Variants in PTDSS2 observed in about 807,000 individuals in gnomAD.
The protein encoded by PTDSS2 is PSS-2.
Under a neutral mutation model 64.7 loss-of-function variants are expected in PTDSS2, and 41 were observed. The observed-to-expected ratio is 0.63, with a 90% confidence interval of 0.49 to 0.82. The LOEUF is 0.82. PTDSS2 is among the 40% of genes least tolerant of loss of function. The pLI is 0.00. For synonymous variants in PTDSS2, 297 were observed against 277.8 expected (o/e 1.07, Z -0.69); for missense variants, 485 against 650.0 (o/e 0.75, Z 2.76).
chr11:460,709 C>T lies in PTDSS2; in HGVS notation c.284+421C>T, dbSNP rs958967091. The stretch of plus-strand genomic sequence containing the variant: ...GCTCTTGCACGGACAGGGGCCGACA[C>T]GGACCGCAGACCATCTGGTCAGCAG... On this transcript the variant is annotated intron_variant, in intron 2 of 11. Coordinates refer to ENST00000308020, the MANE Select transcript of PTDSS2 (RefSeq NM_030783.3). The surrounding 1 kb of genome is among the most constrained non-coding windows in gnomAD (Gnocchi z 5.8). 67 of 171,814 alleles carry T rather than the reference C, an allele frequency of 3.9e-4. No individual in the cohort carries two copies. The highest frequency in any genetic ancestry group is 1.6e-3 in the South Asian group (11 of 7,064). 10.6% of individuals were successfully genotyped at this position (171,814 alleles called of 1,614,324 possible).
chr11:485,676 A>C (rs1590683444), intron 4 of PTDSS2, among the ~76,000 whole-genome samples: 1 of 142,078 alleles, frequency 7.0e-6, no homozygotes, highest in South Asian at 2.3e-4. Flanking sequence ...GAGTTTAAAC[A>C]GCGCACGGGC....
intron 1 of PTDSS2, among the ~76,000 whole-genome samples, chr11:451,885 G>A (rs1846346713): frequency 1.3e-5 from 2 of 152,222 alleles, no homozygotes; most frequent in South Asian, 4.1e-4. Context: ...TCTCCTTTGG[G>A]GAGATGAGTG....
In PTDSS2 at chr11:473,933, G is replaced by C. The variant is rs1847599670; in HGVS notation, c.323G>C (p.Gly108Ala). 1 of 1,614,102 alleles carries C rather than the reference G, an allele frequency of 6.2e-7. No individual in the cohort carries two copies. Among genetic ancestry groups the C allele is most frequent in the Non-Finnish European group, 8.5e-7 (1 of 1,179,962 alleles). The change falls in exon 3 of 12, where the codon GGA becomes GCA. Residue 108 changes from glycine to alanine, a missense_variant. By Grantham distance (60) the Gly-to-Ala change is moderately conservative. Around this residue, in one of 3 missense-constraint regions of PTDSS2, gnomAD observed 251 missense variants for 348.0 expected, o/e 0.72. Transcript: ENST00000308020. ...VASILVFLCF[G>A]VTQAKDGPFS... is the part of the protein sequence containing the mutation. The stretch of plus-strand genomic sequence containing the variant: ...AGTATTTTGGTTTTCTTATGTTTTG[G>C]AGTCACACAAGCTAAAGACGGGCCA...
intron 3 of PTDSS2, among the ~76,000 whole-genome samples, chr11:475,518 C>T (rs1453485005): frequency 4.0e-5 from 6 of 151,614 alleles, no homozygotes; most frequent in South Asian, 2.1e-4. Context: ...GCCATATTCA[C>T]GTGTTTGTGT....
Position 489,933 on chromosome 11 carries a change from C to T in PTDSS2, c.1166C>T (p.Thr389Met), listed in dbSNP as rs1363514193. Residue 389 changes from threonine (T) to methionine (M), a missense_variant, in exon 11 of 12, where the codon ACG becomes ATG. Coordinates refer to ENST00000308020, the MANE Select transcript of PTDSS2 (RefSeq NM_030783.3). ...CAGGCCTGGCTGGTGGCGGCCATCA[C>T]GGCCACGGAGCTGCTCATCGTGGTG... Reference protein sequence around the residue: ...GPQAWLVAAITATELLIVVKY... With the variant: ...GPQAWLVAAIMATELLIVVKY... The T allele has an allele frequency of 1.1e-5, 18 of 1,606,402 alleles. No individual in the cohort carries two copies. Among genetic ancestry groups the T allele is most frequent in the East Asian group, 2.2e-5 (1 of 44,692 alleles).
In PTDSS2 at chr11:451,579, G is replaced by A. The variant is rs1846330625; in HGVS notation, c.182+942G>A. 8.4e-5 allele frequency: 20 copies of A among 238,054 alleles called. 1 individual carries two copies. Among genetic ancestry groups the A allele is most frequent in the South Asian group, 7.2e-4 (20 of 27,858 alleles). 14.7% of individuals were successfully genotyped at this position (238,054 alleles called of 1,614,324 possible). On this transcript the variant is annotated intron_variant, in intron 1 of 11. Transcript: ENST00000308020. ...CCCCAGGAAAACGTGTGGGAGACAG[G>A]CGCCTGCGGCCAGCAGTGGAAGGAA... is the stretch of plus-strand genomic sequence containing the variant.
chr11:466,267 C>T (rs1025562422), intron 2 of PTDSS2, among the ~76,000 whole-genome samples: 5 of 152,046 alleles, frequency 3.3e-5, no homozygotes, highest in African/African-American at 1.2e-4. Flanking sequence ...AGAGGTTCAT[C>T]GACTCACAGT....
intron 4 of PTDSS2, among the ~76,000 whole-genome samples, chr11:481,925 C>A (rs558195725): frequency 1.3e-5 from 2 of 151,666 alleles, no homozygotes; most frequent in East Asian, 3.9e-4. Context: ...TCACCGCAAC[C>A]TCCGCCTCCC....
At chr11:484,910 C>T (rs1421904671) in intron 4 of PTDSS2, among the ~76,000 whole-genome samples, 4 of 142,820 alleles carry the variant, frequency 2.8e-5, no homozygotes, top group African/African-American at 1.1e-4. Flanking sequence ...TGTGTGTGCT[C>T]ACTGCGCAGG....
chr11:471,617 C>T (rs372588414), intron 2 of PTDSS2, among the ~76,000 whole-genome samples: 4 of 137,104 alleles, frequency 2.9e-5, no homozygotes, highest in South Asian at 4.8e-4. Context: ...GGATGACACG[C>T]GCCTGTCAGG....
upstream of PTDSS2, among the ~76,000 whole-genome samples, chr11:448,960 G>C (rs565187376): frequency 2.0e-5 from 3 of 152,078 alleles, no homozygotes; most frequent in South Asian, 2.1e-4. Flanking sequence ...CCAGCCCCCG[G>C]TGAAAACTCA....
chr11:462,435 G>A lies in PTDSS2; in HGVS notation c.284+2147G>A, dbSNP rs974915012. ...CCTGGGCACTCTTCTCTGAGGTTCT[G>A]TTCTGGGGACACTAAACGCGCTCCC... is the stretch of plus-strand genomic sequence containing the variant. On this transcript the variant is annotated intron_variant, in intron 2 of 11. Coordinates refer to ENST00000308020, the MANE Select transcript of PTDSS2 (RefSeq NM_030783.3). This position sits in a 1 kb window ranked among gnomAD's most constrained non-coding sequence, Gnocchi z 4.5. Among the ~76,000 whole-genome samples the A allele has an allele frequency of 6.6e-6, 1 of 152,240 alleles. No individual in the cohort carries two copies. Among genetic ancestry groups the A allele is most frequent in the Non-Finnish European group, 1.5e-5 (1 of 68,046 alleles).
rs770101959 is a variant in PTDSS2, at chr11:487,474, C to G, written c.621+4C>G. The G allele has an allele frequency of 1.8e-5, 29 of 1,613,504 alleles. No individual in the cohort carries two copies. Among genetic ancestry groups the G allele is most frequent in the Non-Finnish European group, 2.4e-5 (28 of 1,179,680 alleles). On this transcript the variant is annotated splice_donor_region_variant and intron_variant, in intron 6 of 11. Transcript: ENST00000308020. Reference sequence around the variant, plus strand: ...CTTTCTTGGCTGGTACCTGAAGGTACGGCACCTCCTCTTCCCGGCCTCCCC... The same window carrying G: ...CTTTCTTGGCTGGTACCTGAAGGTAGGGCACCTCCTCTTCCCGGCCTCCCC...
At chr11:485,554 GGC>G (rs1371314041) in intron 4 of PTDSS2, among the ~76,000 whole-genome samples, 2 of 87,232 alleles carry the variant, frequency 2.3e-5, no homozygotes, top group African/African-American at 1.0e-4. Context: ...ACAGTGCACG[GGC>G]GCGTGTGCTC....
intron 2 of PTDSS2, among the ~76,000 whole-genome samples, chr11:466,401 CTTTTTTTTTTTTT>C (rs1226254389): frequency 8.3e-6 from 1 of 120,800 alleles, no homozygotes; most frequent in Non-Finnish European, 1.7e-5. Flanking sequence ...AACTGCCACT[CTTTTTTTTTTTTT>C]TTTTTTTTTG....
chr11:489,261 C>T (rs553994169), intron 8 of PTDSS2, 139 bp from the exon 9 acceptor site: 12 of 687,574 alleles, frequency 1.7e-5, no homozygotes, highest in South Asian at 7.0e-5. Context: ...TGGCACAGGG[C>T]GGGGCGGGGT....
intron 2 of PTDSS2, among the ~76,000 whole-genome samples, chr11:466,360 G>A (rs1054843474): frequency 6.6e-6 from 1 of 151,940 alleles, no homozygotes; most frequent in Non-Finnish European, 1.5e-5. Context: ...TCACAAAGGC[G>A]GCAGGAGAGA....
chr11:490,035 C>A lies in PTDSS2; in HGVS notation c.1268C>A (p.Ala423Glu), dbSNP rs61742833. The change falls in exon 11 of 12, where the codon GCG becomes GAG. Residue 423 changes from alanine (A) to glutamate (E), a missense_variant. Ala to Glu is a moderately radical substitution (Grantham distance 107). Transcript: ENST00000308020. ...TGCTGGACCCTCGGCTCCGTCCTGG[C>A]GCTCACCTGGACCGTCTGGCGCTTC... is the stretch of plus-strand genomic sequence containing the variant. ...SQCWTLGSVL[A>E]LTWTVWRFFL... The A allele has an allele frequency of 6.2e-7, 1 of 1,610,466 alleles. No individual in the cohort carries two copies. Among genetic ancestry groups the A allele is most frequent in the Admixed American group, 1.7e-5 (1 of 59,986 alleles).
intron 1 of PTDSS2, among the ~76,000 whole-genome samples, chr11:456,562 G>T (rs765663720): frequency 3.9e-5 from 6 of 152,134 alleles, no homozygotes; most frequent in Non-Finnish European, 7.3e-5. Context: ...GGAGGAAAGG[G>T]TGGGCCTCAT....
Sources: gnomAD v4.1 joint callset for allele counts (sites outside exome capture counted in the v4.1 genomes callset) on GRCh38, gnomAD v4.1.1 for gene constraint, gnomAD v4.1.1 regional missense constraint, Gnocchi (gnomAD v3.1) non-coding constraint, MANE v1.5 for transcripts, NCBI Gene and HGNC (gene_info 2026-07-23, HGNC 2026-07-21) for gene names.